FAT3: variants seen among roughly 807,000 people sequenced by gnomAD.
FAT3 encodes protocadherin Fat 3.
A neutral mutation model predicts 310.2 loss-of-function variants in FAT3; 95 were observed. The ratio of observed to expected loss-of-function variants is 0.31; its 90% CI spans 0.26 to 0.36. The LOEUF is 0.36. FAT3 is among the 10% of genes least tolerant of loss of function. FAT3 has a pLI of 1.00. For synonymous variants in FAT3, 2,314 were observed against 2,192.9 expected, an observed-to-expected ratio of 1.06 and a Z score of -1.54; for missense variants, 5,408 against 5,715.6, an observed-to-expected ratio of 0.95 and a Z score of 1.74.
At chr11:92,773,263 G>A (rs767203915) in intron 6 of FAT3, among the ~76,000 whole-genome samples, 6 of 152,150 alleles carry the variant, frequency 3.9e-5, no homozygotes, top group Non-Finnish European at 7.3e-5. Context: ...CTCACAGACT[G>A]TGAGTTATAT....
chr11:92,472,434 G>C (rs1370552106), intron 2 of FAT3, among the ~76,000 whole-genome samples: 2 of 152,096 alleles, frequency 1.3e-5, no homozygotes, highest in African/African-American at 4.8e-5. Context: ...AGTTTAGTCT[G>C]TCTTGTGACA....
At chr11:92,437,576 G>A (rs973958224) in intron 2 of FAT3, among the ~76,000 whole-genome samples, 1 of 152,156 alleles carries the variant, frequency 6.6e-6, no homozygotes, top group South Asian at 2.1e-4. Context: ...ATGATGGATT[G>A]TAGAGAAGGA....
Position 92,801,560 on chromosome 11 carries a change from C to G in FAT3, c.8547C>G (p.Val2849=), listed in dbSNP as rs1694716640. The change falls in exon 10 of 28, where the codon GTC becomes GTG. Residue 2849 remains valine, a synonymous_variant. Transcript: ENST00000525166. ...TGGACTGGGGAGCCAATGGACAAGTCACTTACTCCCTCCACTCGGATTCCC... is the reference window on the plus strand; with the variant it reads ...TGGACTGGGGAGCCAATGGACAAGTGACTTACTCCCTCCACTCGGATTCCC... ...IDMDWGANGQ[V]TYSLHSDSQP... is the part of the protein sequence containing the mutation. 6.2e-7 allele frequency: 1 copy of G among 1,608,032 alleles called. No individual in the cohort carries two copies. The highest frequency in any genetic ancestry group is 1.3e-5 in the African/African-American group (1 of 74,870).
chr11:92,516,518 C>G (rs962519831), intron 2 of FAT3, among the ~76,000 whole-genome samples: 1 of 152,038 alleles, frequency 6.6e-6, no homozygotes, highest in Non-Finnish European at 1.5e-5. Context: ...TATGACAAGC[C>G]CATAGCCAAT....
intron 1 of FAT3, among the ~76,000 whole-genome samples, chr11:92,289,645 T>C (rs1946644570): frequency 6.6e-6 from 1 of 152,092 alleles, no homozygotes; most frequent in Admixed American, 6.6e-5. Flanking sequence ...CCACTTTTCA[T>C]TGTTACTACC....
At chr11:92,729,149 T>TC (rs1369717409) in intron 4 of FAT3, among the ~76,000 whole-genome samples, 1 of 152,118 alleles carries the variant, frequency 6.6e-6, no homozygotes, top group Admixed American at 6.6e-5. Context: ...AGTTGTTTTT[T>TC]CCCGACTCTG....
At chr11:92,768,319 A>G (rs186572418) in intron 6 of FAT3, among the ~76,000 whole-genome samples, 4 of 152,176 alleles carry the variant, frequency 2.6e-5, no homozygotes, top group Non-Finnish European at 5.9e-5. Context: ...CAAACAGAAC[A>G]TGATTTTATT....
intron 4 of FAT3, among the ~76,000 whole-genome samples, chr11:92,707,796 A>G (rs1944400653): frequency 6.6e-6 from 1 of 152,192 alleles, no homozygotes; most frequent in Non-Finnish European, 1.5e-5. Context: ...GCCTTCAGAA[A>G]CCACTGAAGC....
chr11:92,303,830 G>C (rs1270235449), intron 1 of FAT3, among the ~76,000 whole-genome samples: 2 of 152,100 alleles, frequency 1.3e-5, no homozygotes, highest in Admixed American at 1.3e-4. Flanking sequence ...TGAAAATTTA[G>C]CAGCTGACAT....
At chr11:92,767,281 A>G (rs1194720523) in intron 6 of FAT3, among the ~76,000 whole-genome samples, 2 of 151,608 alleles carry the variant, frequency 1.3e-5, no homozygotes, top group African/African-American at 4.8e-5. Flanking sequence ...CTAAAGGAGA[A>G]TGCAGCAGAA....
chr11:92,879,603 G>A (rs1464797375), intron 22 of FAT3, among the ~76,000 whole-genome samples: 2 of 152,072 alleles, frequency 1.3e-5, no homozygotes, highest in Non-Finnish European at 2.9e-5. Context: ...TGCAAATAAC[G>A]TTTCATTGTC....
At chr11:92,822,111 A>C (rs1461156031) in intron 13 of FAT3, among the ~76,000 whole-genome samples, 1 of 152,076 alleles carries the variant, frequency 6.6e-6, no homozygotes, top group Non-Finnish European at 1.5e-5. Context: ...CCTTTTAAAC[A>C]TCCAGTTTCT....
intron 1 of FAT3, among the ~76,000 whole-genome samples, chr11:92,306,314 T>C (rs886307178): frequency 7.3e-5 from 11 of 150,912 alleles, no homozygotes; most frequent in African/African-American, 2.2e-4. Flanking sequence ...ACAAATCTAC[T>C]GTGGAATACT....
At position 92,355,013 on chromosome 11, in the gene FAT3, G is replaced by C. The variant is rs766508231; in HGVS notation, c.2901G>C (p.Leu967=). 8 of 1,613,384 alleles carry C rather than the reference G, an allele frequency of 5.0e-6. No homozygotes were observed. The highest frequency in any genetic ancestry group is 1.3e-5 in the African/African-American group (1 of 74,854). The change falls in exon 2 of 28, where the codon CTG becomes CTC. Residue 967 remains leucine (L), a synonymous_variant. Coordinates refer to ENST00000525166, the MANE Select transcript of FAT3 (RefSeq NM_001367949.2). ...WLETHDPDLG[L]GGQVRYSLVN... is the part of the protein sequence containing the mutation. ...AGACCCATGATCCAGATCTTGGACTGGGGGGTCAAGTGCGCTATTCTTTGG... is the reference window on the plus strand; with the variant it reads ...AGACCCATGATCCAGATCTTGGACTCGGGGGTCAAGTGCGCTATTCTTTGG...
intron 1 of FAT3, among the ~76,000 whole-genome samples, chr11:92,335,146 C>T (rs1047308078): frequency 2.0e-5 from 3 of 151,736 alleles, no homozygotes; most frequent in African/African-American, 7.3e-5. Flanking sequence ...GTCCATTTGT[C>T]CCCATCTTAT....
intron 2 of FAT3, among the ~76,000 whole-genome samples, chr11:92,507,980 C>T (rs1953172488): frequency 6.6e-6 from 1 of 152,050 alleles, no homozygotes; most frequent in African/African-American, 2.4e-5. Context: ...GAGATTTAAC[C>T]TAAAAGGATG....
intron 24 of FAT3, among the ~76,000 whole-genome samples, chr11:92,885,039 G>A (rs1242652158): frequency 6.6e-6 from 1 of 152,196 alleles, no homozygotes; most frequent in Non-Finnish European, 1.5e-5. Context: ...ATGTCAGTAA[G>A]GTCATCAGTG....
chr11:92,413,631 C>T (rs1950345143), intron 2 of FAT3, among the ~76,000 whole-genome samples: 1 of 152,090 alleles, frequency 6.6e-6, no homozygotes, highest in Non-Finnish European at 1.5e-5. Flanking sequence ...ATAAGAGGCC[C>T]CTTCATACTC....
intron 3 of FAT3, among the ~76,000 whole-genome samples, chr11:92,682,520 C>T (rs545814920): frequency 1.3e-5 from 2 of 152,306 alleles, no homozygotes; most frequent in South Asian, 4.1e-4. Context: ...GCAGAGCCAA[C>T]GTAATAATCG....
Sources: gnomAD v4.1 joint callset for allele counts (sites outside exome capture counted in the v4.1 genomes callset) on GRCh38, gnomAD v4.1.1 for gene constraint, MANE v1.5 for transcripts, NCBI Gene and HGNC (gene_info 2026-07-23, HGNC 2026-07-21) for gene names.